HECTD3: variants seen among roughly 807,000 people sequenced by gnomAD.
The protein encoded by HECTD3 is E3 ubiquitin-protein ligase HECTD3.
Under a neutral mutation model 109.3 loss-of-function variants are expected in HECTD3, and 72 were observed. That is an observed-to-expected ratio of 0.66 (90% CI 0.54 to 0.80). HECTD3 has a LOEUF of 0.80. Ranked by LOEUF, HECTD3 falls within the 30% of genes least tolerant of loss-of-function variation. HECTD3 has a pLI of 0.00. For synonymous variants in HECTD3, 481 were observed against 471.8 expected, an observed-to-expected ratio of 1.02 and a Z score of -0.25; for missense variants, 1,041 against 1,165.2, an observed-to-expected ratio of 0.89 and a Z score of 1.55.
rs1644785255 is a variant in HECTD3 at position 45,010,899 on chromosome 1, T to A, written c.359A>T (p.Lys120Met). 1.3e-6 allele frequency: 2 copies of A among 1,530,976 alleles called. No individual in the cohort carries two copies. Among genetic ancestry groups the A allele is most frequent in the Non-Finnish European group, 1.7e-6 (2 of 1,150,774 alleles). 94.8% of individuals were successfully genotyped at this position (1,530,976 alleles called of 1,614,324 possible). A position where few individuals can be genotyped will look rare whatever the true frequency, so the allele number is the denominator to read the frequency against. ...CAGGGAAGAGCGCACCTTTGTCAGC[T>A]TCACCCAGAGCCCGTGGCCATTGCA... ...ELCNGHGLWV[K>M]LTKEQLAEHL... Residue 120 changes from lysine to methionine, a missense_variant, in exon 1 of 21, where the codon AAG (lysine) becomes ATG (methionine). Physicochemically the swap from Lys to Met is moderately conservative, Grantham distance 95. Around this residue, in one of 2 missense-constraint regions of HECTD3, gnomAD observed 472 missense variants for 449.9 expected, o/e 1.05. Coordinates refer to ENST00000372172, the MANE Select transcript of HECTD3 (RefSeq NM_024602.6).
rs377683566 is a variant in HECTD3, at chr1:45,010,558, C to T, written c.518G>A (p.Arg173Gln). Residue 173 changes from arginine (R) to glutamine (Q), a missense_variant, in exon 2 of 21, where the codon CGG (arginine) becomes CAG (glutamine). Transcript: ENST00000372172. ...RQQQLFGVDY[R>Q]PVLRWEQVVD... ...TCAAGTGCAGTACCTGAGCACCGGC[C>T]GATAATCCACGCCAAAGAGCTGCTG... 1.4e-5 allele frequency: 22 copies of T among 1,613,566 alleles called. No individual in the cohort carries two copies. The highest frequency in any genetic ancestry group is 1.7e-5 in the Non-Finnish European group (20 of 1,180,012).
At position 45,011,219 on chromosome 1, in the gene HECTD3, G is replaced by A. The variant is rs1196445255; in HGVS notation, c.39C>T (p.Pro13=). 5 of 1,423,960 alleles carry A rather than the reference G, an allele frequency of 3.5e-6. No individual in the cohort carries two copies. The highest frequency in any genetic ancestry group is 2.9e-5 in the South Asian group (2 of 68,378). The allele number at this position is 1,423,960 out of a possible 1,614,324, so 88.2% of individuals were successfully genotyped here. A position where few individuals can be genotyped will look rare whatever the true frequency, so the allele number is the denominator to read the frequency against. Residue 13 remains proline (P), a synonymous_variant, in exon 1 of 21, where the codon CCC becomes CCT. Transcript: ENST00000372172. The part of the protein sequence containing the change: ...GPGPGAVLES[P]RQLLGRVRFL... Reference sequence around the variant, plus strand: ...AGCGCACGCGGCCCAGCAGCTGCCGGGGGGACTCCAGCACCGCGCCCGGGC... The same window carrying A: ...AGCGCACGCGGCCCAGCAGCTGCCGAGGGGACTCCAGCACCGCGCCCGGGC...
chr1:45,011,288 C>G lies in HECTD3; in HGVS notation c.-31G>C. On this transcript the variant is annotated 5_prime_UTR_variant, in exon 1 of 21. Transcript: ENST00000372172. Reference sequence around the variant, plus strand: ...AGTGGCGGAGGTGAGCACCTAGAGGCGACCCTGCCCGGGGAACAGCTGGCG... The same window carrying G: ...AGTGGCGGAGGTGAGCACCTAGAGGGGACCCTGCCCGGGGAACAGCTGGCG... 1 of 1,350,122 alleles carries G rather than the reference C, an allele frequency of 7.4e-7. No individual in the cohort carries two copies. The allele number at this position is 1,350,122 out of a possible 1,614,324, so 83.6% of individuals were successfully genotyped here.
Position 45,007,507 on chromosome 1 carries a change from A to C in HECTD3, c.1409T>G (p.Phe470Cys). The C allele has an allele frequency of 6.2e-7, 1 of 1,614,108 alleles. No homozygotes were observed. Among genetic ancestry groups the C allele is most frequent in the Non-Finnish European group, 8.5e-7 (1 of 1,180,018 alleles). Reference protein sequence around the residue: ...LRDSESSKPSFMPRLYINRRL... With the variant: ...LRDSESSKPSCMPRLYINRRL... ...GCGGTTGATGTATAGGCGTGGCATG[A>C]AGCTGGGCTTGCTGCTCTCAGAGTC... Residue 470 changes from phenylalanine (F) to cysteine (C), a missense_variant, in exon 10 of 21, where the codon TTC becomes TGC. Phe to Cys is a radical substitution (Grantham distance 205). This residue lies in a region of HECTD3 where 569 missense variants were observed against 715.3 expected (regional missense o/e 0.80). Coordinates refer to ENST00000372172, the MANE Select transcript of HECTD3 (RefSeq NM_024602.6).
rs886066135 is a variant in HECTD3, at chr1:45,011,139, A to G, written c.119T>C (p.Leu40Pro). ...LRAGRPLPAALAFVPREVLYK... is the reference protein window; with the variant it reads ...LRAGRPLPAAPAFVPREVLYK... ...GAGCACCTCTCGCGGCACGAAAGCCAGCGCTGCTGGCAGCGGCCGCCCGGC... is the reference window on the plus strand; with the variant it reads ...GAGCACCTCTCGCGGCACGAAAGCCGGCGCTGCTGGCAGCGGCCGCCCGGC... The change falls in exon 1 of 21, where the codon CTG becomes CCG. Residue 40 changes from leucine (L) to proline (P), a missense_variant. By Grantham distance (98) the Leu-to-Pro change is moderately conservative (BLOSUM62 -3). This residue lies in a region of HECTD3 where 472 missense variants were observed against 449.9 expected (regional missense o/e 1.05). Coordinates refer to ENST00000372172, the MANE Select transcript of HECTD3 (RefSeq NM_024602.6). 1 of 1,508,350 alleles carries G rather than the reference A, an allele frequency of 6.6e-7. No individual in the cohort carries two copies. The highest frequency in any genetic ancestry group is 8.8e-7 in the Non-Finnish European group (1 of 1,136,976). 93.4% of individuals were successfully genotyped at this position (1,508,350 alleles called of 1,614,324 possible). A position where few individuals can be genotyped will look rare whatever the true frequency, so the allele number is the denominator to read the frequency against.
rs1422570832 is a variant in HECTD3, at chr1:45,011,036, A to G, written c.222T>C (p.Arg74=). The G allele has an allele frequency of 2.8e-6, 4 of 1,419,212 alleles. No homozygotes were observed. The highest frequency in any genetic ancestry group is 6.6e-5 in the Admixed American group (2 of 30,188). The allele number at this position is 1,419,212 out of a possible 1,614,324, so 87.9% of individuals were successfully genotyped here. A position where few individuals can be genotyped will look rare whatever the true frequency, so the allele number is the denominator to read the frequency against. Residue 74 remains arginine, a synonymous_variant, in exon 1 of 21, where the codon CGT becomes CGC. Transcript: ENST00000372172. ...CGGGGGCTGGGCCTGCGGCGCCCAC[A>G]CGCAGCCCCAGGCCCTCTGCCTCCC... ...PVWEAEGLGL[R]VGAAGPAPGT... is the part of the protein sequence containing the mutation.
chr1:45,004,848 G>A, intron 15 of HECTD3, 42 bp from the exon 16 acceptor site: 2 of 1,550,872 alleles, frequency 1.3e-6, no homozygotes, highest in South Asian at 2.2e-5. Context: ...TTTTCACTGT[G>A]GAGATAGTCC....
chr1:45,011,301 G>A lies in HECTD3; in HGVS notation c.-44C>T. Reference sequence around the variant, plus strand: ...AGCACCTAGAGGCGACCCTGCCCGGGGAACAGCTGGCGCGACCGCGGACAG... The same window carrying A: ...AGCACCTAGAGGCGACCCTGCCCGGAGAACAGCTGGCGCGACCGCGGACAG... On this transcript the variant is annotated 5_prime_UTR_variant, in exon 1 of 21. Transcript: ENST00000372172. 1 of 1,350,408 alleles carries A rather than the reference G, an allele frequency of 7.4e-7. No homozygotes were observed. The highest frequency in any genetic ancestry group is 9.5e-7 in the Non-Finnish European group (1 of 1,056,564). The allele number at this position is 1,350,408 out of a possible 1,614,324, so 83.7% of individuals were successfully genotyped here.
At chr1:45,005,548 G>C (rs1184584221) in intron 15 of HECTD3, 3 of 402,572 alleles carry the variant, frequency 7.5e-6, no homozygotes, top group African/African-American at 6.1e-5. Context: ...CACTGAGCCT[G>C]AGATGCCATC....
chr1:45,006,639 T>G lies in HECTD3; in HGVS notation c.1725+53A>C. 1.3e-6 allele frequency: 2 copies of G among 1,488,492 alleles called. No homozygotes were observed. The highest frequency in any genetic ancestry group is 1.9e-6 in the Non-Finnish European group (2 of 1,078,966). The allele number at this position is 1,488,492 out of a possible 1,614,324, so 92.2% of individuals were successfully genotyped here. ...AATCTGGCCCCCTCCTCTGCCCCCT[T>G]TCTAGCTCAATCTGGCACCTGGGAG... On this transcript the variant is annotated intron_variant, in intron 13 of 20. Transcript: ENST00000372172. The surrounding 1 kb of genome is among the most constrained non-coding windows in gnomAD (Gnocchi z 4.7).
intron 2 of HECTD3, 47 bp downstream of exon 2, chr1:45,010,499 C>T (rs752102418): frequency 4.3e-5 from 69 of 1,609,528 alleles, no homozygotes; most frequent in Admixed American, 1.3e-4. Context: ...CCAAGCCCTC[C>T]TGGCCCGGCC....
intron 9 of HECTD3, 121 bp downstream of exon 9, chr1:45,008,119 T>G: frequency 1.4e-6 from 1 of 733,110 alleles, no homozygotes; most frequent in South Asian, 1.9e-5. Context: ...TTTCTTCCTA[T>G]GTTCCCAGAC....
intron 6 of HECTD3, 32 bp from the exon 7 acceptor site, chr1:45,009,258 C>T (rs1464889493): frequency 1.3e-6 from 2 of 1,579,208 alleles, no homozygotes; most frequent in South Asian, 2.2e-5. Flanking sequence ...ACTTCAGATA[C>T]CTCCTGCCTC....
rs1235938806 is a variant in HECTD3, at chr1:45,009,355, G to A, written c.989+14C>T. The A allele has an allele frequency of 2.5e-6, 4 of 1,595,842 alleles. No homozygotes were observed. In the East Asian group the frequency reaches 6.7e-5, roughly 27 times the overall value. On this transcript the variant is annotated intron_variant, in intron 6 of 20. Coordinates refer to ENST00000372172, the MANE Select transcript of HECTD3 (RefSeq NM_024602.6). The stretch of plus-strand genomic sequence containing the variant: ...GAACATGCCCTACTTCCCTCCCCAG[G>A]CCAGCGTGCTCACTCGTCAATGCTC...
At chr1:45,010,819 A>G in intron 1 of HECTD3, 70 bp downstream of exon 1, 2 of 1,504,948 alleles carry the variant, frequency 1.3e-6, no homozygotes, top group Non-Finnish European at 1.8e-6. Context: ...CAGGGGAGAA[A>G]AGGCAAACAG....
rs1394598457 is a variant in HECTD3, at chr1:45,009,179, A to G, written c.1037T>C (p.Leu346Pro). ...VCVLEDMTVHLPIIEIRIVEC... is the reference protein window; with the variant it reads ...VCVLEDMTVHPPIIEIRIVEC... ...CACGATGCGGATCTCGATGATCGGG[A>G]GGTGGACGGTCATGTCCTCCAGGAC... Residue 346 changes from leucine to proline, a missense_variant, in exon 7 of 21, where the codon CTC (leucine) becomes CCC (proline). Coordinates refer to ENST00000372172, the MANE Select transcript of HECTD3 (RefSeq NM_024602.6). The G allele has an allele frequency of 6.2e-7, 1 of 1,614,044 alleles. No individual in the cohort carries two copies. The highest frequency in any genetic ancestry group is 1.1e-5 in the South Asian group (1 of 91,072).
rs1002785985 is a variant in HECTD3 at position 45,003,173 on chromosome 1, G to A, written c.*319C>T. The A allele has an allele frequency of 3.0e-6, 1 of 335,142 alleles. No individual in the cohort carries two copies. Among genetic ancestry groups the A allele is most frequent in the Admixed American group, 4.1e-5 (1 of 24,160 alleles). 20.8% of individuals were successfully genotyped at this position (335,142 alleles called of 1,614,324 possible). ...AGCTGAAAATGGAGGCAAAGTCCAT[G>A]GGTTGGGGACCTAGATGGCCCCCTT... is the stretch of plus-strand genomic sequence containing the variant. On this transcript the variant is annotated 3_prime_UTR_variant, in exon 21 of 21. Coordinates refer to ENST00000372172, the MANE Select transcript of HECTD3 (RefSeq NM_024602.6). The surrounding 1 kb of genome is among the most constrained non-coding windows in gnomAD (Gnocchi z 4.7).
intron 18 of HECTD3, 45 bp downstream of exon 18, chr1:45,004,015 C>G (rs1433392400): frequency 6.2e-7 from 1 of 1,610,662 alleles, no homozygotes; most frequent in African/African-American, 1.3e-5. Flanking sequence ...TGCAACTCAG[C>G]AGCAGAGTCC....
In HECTD3 at chr1:45,010,105, A is replaced by G; in HGVS notation, c.640T>C (p.Trp214Arg). 5 of 1,606,106 alleles carry G rather than the reference A, an allele frequency of 3.1e-6. No homozygotes were observed. Among genetic ancestry groups the G allele is most frequent in the Non-Finnish European group, 4.3e-6 (5 of 1,173,878 alleles). Residue 214 changes from tryptophan to arginine, a missense_variant, in exon 4 of 21, where the codon TGG becomes CGG. Trp to Arg is a moderately radical substitution (Grantham distance 101). Coordinates refer to ENST00000372172, the MANE Select transcript of HECTD3 (RefSeq NM_024602.6). The stretch of plus-strand genomic sequence containing the variant: ...AGGTCCTCGTCGCACTCGTAGGTCC[A>G]TGTCGGGGGTACATAGCTAAGCAAC... The part of the protein sequence containing the change: ...VQRLLYVPPT[W>R]TYECDEDLIH...
Sources: gnomAD v4.1 joint callset for allele counts on GRCh38, gnomAD v4.1.1 for gene constraint, gnomAD v4.1.1 regional missense constraint, Gnocchi (gnomAD v3.1) non-coding constraint, MANE v1.5 for transcripts, NCBI Gene and HGNC (gene_info 2026-07-23, HGNC 2026-07-21) for gene names.